Variants in RPP30 observed in about 807,000 individuals in gnomAD.
RPP30 encodes the protein ribonuclease P protein subunit p30.
Under a neutral mutation model 38.6 loss-of-function variants are expected in RPP30, and 36 were observed. The observed-to-expected ratio is 0.93, with a 90% CI of 0.71 to 1.23. The LOEUF is 1.23. RPP30 is among the 50% of genes most tolerant of loss of function. The pLI is 0.00. For synonymous variants in RPP30, 126 were observed against 112.7 expected (o/e 1.12, Z -0.75); for missense variants, 321 against 321.7 (o/e 1.00, Z 0.02).
intron 1 of RPP30, among the ~76,000 whole-genome samples, chr10:90,874,227 G>A (rs1846821250): frequency 6.6e-6 from 1 of 152,152 alleles, no homozygotes; most frequent in South Asian, 2.1e-4. Context: ...TAGCCCAAAT[G>A]TCCAGAACAG....
chr10:90,907,648 A>G (rs981147801), downstream of RPP30, among the ~76,000 whole-genome samples: 4 of 152,200 alleles, frequency 2.6e-5, no homozygotes, highest in African/African-American at 9.6e-5. Flanking sequence ...CACAAGTGCC[A>G]AACATTTCTC....
intron 7 of RPP30, 147 bp from the exon 8 acceptor site, chr10:90,895,307 T>G (rs895496696): frequency 1.1e-5 from 6 of 534,620 alleles, no homozygotes; most frequent in Non-Finnish European, 1.9e-5. Flanking sequence ...TCTTTTCATT[T>G]TTTTCACCTT....
At position 90,895,460 on chromosome 10, in the gene RPP30, AT is replaced by A; in HGVS notation, c.558del (p.Ile187TyrfsTer9). The A allele has an allele frequency of 7.0e-7, 1 of 1,424,170 alleles. No individual in the cohort carries two copies. The highest frequency in any genetic ancestry group is 1.5e-5 in the South Asian group (1 of 65,170). The allele number at this position is 1,424,170 out of a possible 1,614,324, so 88.2% of individuals were successfully genotyped here. On this transcript the variant is annotated frameshift_variant, in exon 8 of 11. Coordinates refer to ENST00000371703, the MANE Select transcript of RPP30 (RefSeq NM_006413.5). LOFTEE classifies it high-confidence loss of function. ...LMQICKGKNV[I>X]ISSAAERPLE... is the part of the protein sequence containing the mutation. Reference sequence around the variant, plus strand: ...GTCACTTTCTATTTTGTAGAATGTAATTATATCTAGTGCTGCAGAAAGGGTA... The same window carrying A: ...GTCACTTTCTATTTTGTAGAATGTAATATATCTAGTGCTGCAGAAAGGGTA...
chr10:90,876,844 A>T (rs369746167), intron 4 of RPP30, among the ~76,000 whole-genome samples: 8 of 152,260 alleles, frequency 5.3e-5, no homozygotes, highest in African/African-American at 1.9e-4. Flanking sequence ...GGTACTTAAG[A>T]GGCATCCAGG....
At chr10:90,872,172 G>A (rs1846786462) in intron 1 of RPP30, 104 bp downstream of exon 1, 1 of 967,446 alleles carries the variant, frequency 1.0e-6, no homozygotes, top group African/African-American at 1.6e-5. Flanking sequence ...AGGTCTCCCA[G>A]AGTCTCTGGG....
intron 10 of RPP30, among the ~76,000 whole-genome samples, chr10:90,900,016 C>G (rs1255968539): frequency 2.0e-5 from 3 of 152,172 alleles, no homozygotes; most frequent in Non-Finnish European, 2.9e-5. Context: ...TTAAAGAGAT[C>G]AATAAATTTA....
chr10:90,902,851 C>G (rs1343573311), downstream of RPP30, among the ~76,000 whole-genome samples: 1 of 152,154 alleles, frequency 6.6e-6, no homozygotes, highest in Admixed American at 6.5e-5. Context: ...GGCCACACAC[C>G]AAAAGTCTGC....
At chr10:90,872,279 C>A in intron 1 of RPP30, 1 of 585,996 alleles carries the variant, frequency 1.7e-6, no homozygotes, top group South Asian at 2.1e-5. Flanking sequence ...CAGCTACTTT[C>A]CTGCAATGAG....
intron 5 of RPP30, among the ~76,000 whole-genome samples, chr10:90,883,781 A>G (rs1589496810): frequency 6.6e-6 from 1 of 152,228 alleles, no homozygotes; most frequent in Non-Finnish European, 1.5e-5. Flanking sequence ...TAAACTGAAG[A>G]AATAATTTAC....
intron 5 of RPP30, chr10:90,880,172 G>A (rs974862236): frequency 1.3e-5 from 2 of 151,538 alleles, no homozygotes; most frequent in African/African-American, 4.8e-5. Context: ...ACTACCTTCA[G>A]AGCAGCCTGG....
intron 5 of RPP30, among the ~76,000 whole-genome samples, chr10:90,881,913 A>C (rs953561284): frequency 1.3e-5 from 2 of 152,156 alleles, no homozygotes; most frequent in African/African-American, 4.8e-5. Context: ...GTAGTATAAA[A>C]TCGAACCATC....
At position 90,874,854 on chromosome 10, in the gene RPP30, A is replaced by G. The variant is rs1439055634; in HGVS notation, c.83-15A>G. 1 of 1,586,040 alleles carries G rather than the reference A, an allele frequency of 6.3e-7. No homozygotes were observed. Among genetic ancestry groups the G allele is most frequent in the Admixed American group, 1.7e-5 (1 of 58,154 alleles). On this transcript the variant is annotated splice_polypyrimidine_tract_variant and intron_variant, in intron 1 of 10. Coordinates refer to ENST00000371703, the MANE Select transcript of RPP30 (RefSeq NM_006413.5). ...TTGTTATATTTAACAAAAGTGTTCAATTTTTCTTTTTCAGTTGGCTATTCA... is the reference window on the plus strand; with the variant it reads ...TTGTTATATTTAACAAAAGTGTTCAGTTTTTCTTTTTCAGTTGGCTATTCA...
downstream of RPP30, among the ~76,000 whole-genome samples, chr10:90,906,437 T>G (rs1361434878): frequency 2.6e-5 from 4 of 152,120 alleles, no homozygotes; most frequent in African/African-American, 7.2e-5. Context: ...TTATGAGAGA[T>G]AAGAATAAAG....
chr10:90,907,502 TG>T (rs1162814409), downstream of RPP30, among the ~76,000 whole-genome samples: 3 of 152,340 alleles, frequency 2.0e-5, no homozygotes, highest in East Asian at 5.8e-4. Context: ...GAAGACCTTC[TG>T]GTTATGGACT....
chr10:90,894,544 C>G lies in RPP30; in HGVS notation c.433-231C>G, dbSNP rs1847117708. ...TTCATAATTCCTGTTTATGTAAAGT[C>G]AGCTTCCCCACAGCCAAGTTAAACT... On this transcript the variant is annotated intron_variant, in intron 6 of 10. Transcript: ENST00000371703. 2.0e-5 allele frequency among the ~76,000 whole-genome samples: 3 copies of G among 152,292 alleles called. No individual in the cohort carries two copies. In the South Asian group the frequency reaches 6.2e-4, roughly 32 times the overall value.
chr10:90,885,723 C>T (rs1322207193), intron 5 of RPP30, 89 bp from the exon 6 acceptor site: 7 of 779,480 alleles, frequency 9.0e-6, no homozygotes, highest in East Asian at 2.6e-5. Flanking sequence ...ATGGAGTGAA[C>T]CATACTTTAT....
chr10:90,901,470 G>A lies in RPP30; in HGVS notation c.*791G>A. On this transcript the variant is annotated 3_prime_UTR_variant, in exon 11 of 11. Transcript: ENST00000371703. Reference sequence around the variant, plus strand: ...GCTATAGAATTTGTGGAAGGAGAGAGGATACACATGTAAAATTACATCTGG... The same window carrying A: ...GCTATAGAATTTGTGGAAGGAGAGAAGATACACATGTAAAATTACATCTGG... 2.0e-6 allele frequency: 2 copies of A among 984,770 alleles called. No individual in the cohort carries two copies. The highest frequency in any genetic ancestry group is 3.5e-5 in the African/African-American group (2 of 57,268). The allele number at this position is 984,770 out of a possible 1,614,324, so 61.0% of individuals were successfully genotyped here.
intron 6 of RPP30, among the ~76,000 whole-genome samples, chr10:90,889,476 A>G (rs1847046404): frequency 6.7e-6 from 1 of 148,836 alleles, no homozygotes; most frequent in South Asian, 2.1e-4. Context: ...CAGCTGGCTA[A>G]TTTTTTTTTT....
chr10:90,873,726 T>C (rs1846813568), intron 1 of RPP30, among the ~76,000 whole-genome samples: 1 of 152,022 alleles, frequency 6.6e-6, no homozygotes, highest in Non-Finnish European at 1.5e-5. Flanking sequence ...TTTGGGAGTG[T>C]GGTAAAGAAG....
Sources: gnomAD v4.1 joint callset for allele counts (sites outside exome capture counted in the v4.1 genomes callset) on GRCh38, gnomAD v4.1.1 for gene constraint, MANE v1.5 for transcripts, NCBI Gene and HGNC (gene_info 2026-07-23, HGNC 2026-07-21) for gene names.